ANKRD42: variants seen among roughly 807,000 people sequenced by gnomAD.
The protein encoded by ANKRD42 is ankyrin repeat domain-containing protein 42.
A neutral mutation model predicts 51.5 loss-of-function variants in ANKRD42; 43 were observed. That is an observed-to-expected ratio of 0.83 (90% CI 0.65 to 1.08). The LOEUF (loss-of-function observed/expected upper bound fraction) is 1.08, where lower values mean the gene tolerates loss of function less well. Ranked by LOEUF, ANKRD42 falls within the 50% of genes least tolerant of loss-of-function variation. ANKRD42 has a pLI of 0.00. For synonymous variants in ANKRD42, 203 were observed against 213.0 expected (o/e 0.95, Z 0.41); for missense variants, 608 against 629.3 (o/e 0.97, Z 0.36).
At chr11:83,210,222 C>G in intron 3 of ANKRD42, 78 bp from the exon 4 acceptor site, 2 of 1,426,318 alleles carry the variant, frequency 1.4e-6, no homozygotes, top group East Asian at 4.6e-5. Context: ...AAATTGCTTG[C>G]CTTTGTATAA....
In ANKRD42 at chr11:83,194,709, T is replaced by C. The variant is rs1220399758; in HGVS notation, c.39T>C (p.Ser13=). ...GVANSGPSTS[S]RETANPCSRK... ...CCAATTCAGGCCCCTCCACTTCCTC[T>C]AGGGAGACTGCAAACCCCTGTGAGT... Residue 13 remains serine, a synonymous_variant, in exon 1 of 11, where the codon TCT becomes TCC. Transcript: ENST00000533342. 6.2e-7 allele frequency: 1 copy of C among 1,605,630 alleles called. No homozygotes were observed. Among genetic ancestry groups the C allele is most frequent in the South Asian group, 1.1e-5 (1 of 90,424 alleles).
In ANKRD42 at chr11:83,236,395, T is replaced by C. The variant is rs757002019; in HGVS notation, c.914-9T>C. 18 of 1,584,038 alleles carry C rather than the reference T, an allele frequency of 1.1e-5. No individual in the cohort carries two copies. The African/African-American group carries it at 2.2e-4, about 19-fold the overall frequency. On this transcript the variant is annotated splice_polypyrimidine_tract_variant and intron_variant, in intron 7 of 10. Coordinates refer to ENST00000533342, the MANE Select transcript of ANKRD42 (RefSeq NM_001300975.2). ...TGTAATTCCTGTTCTTTTTCCTTTT[T>C]TTGAACAGCTGCTGGACAAGGCCAC... is the stretch of plus-strand genomic sequence containing the variant.
At chr11:83,230,664 G>A (rs377759295) in intron 7 of ANKRD42, among the ~76,000 whole-genome samples, 20 of 151,916 alleles carry the variant, frequency 1.3e-4, no homozygotes, top group African/African-American at 3.4e-4. Context: ...TCTGCTCACC[G>A]CAACCTATTT....
intron 10 of ANKRD42, among the ~76,000 whole-genome samples, chr11:83,247,616 C>A (rs1393918458): frequency 1.3e-5 from 2 of 152,214 alleles, no homozygotes; most frequent in Admixed American, 6.5e-5. Context: ...TTATACTACT[C>A]TTTCCTGCTT....
chr11:83,257,982 A>G (rs748069987), downstream of ANKRD42, among the ~76,000 whole-genome samples: 48 of 152,204 alleles, frequency 3.2e-4, 1 homozygote, highest in Non-Finnish European at 5.3e-4. Flanking sequence ...GTTCAGAAGG[A>G]TGTGAGCAAA....
At chr11:83,210,108 T>TA (rs1160982158) in intron 3 of ANKRD42, 192 bp from the exon 4 acceptor site, 38,044 of 407,014 alleles carry the variant, frequency 0.093, 736 homozygotes, top group African/African-American at 0.19. Flanking sequence ...TTTTGTAATC[T>TA]AAAAAAAAAA....
chr11:83,233,101 G>C, intron 7 of ANKRD42, among the ~76,000 whole-genome samples: 1 of 151,818 alleles, frequency 6.6e-6, no homozygotes. Flanking sequence ...TTGTAGAATG[G>C]ATTTGGAAGT....
intron 5 of ANKRD42, chr11:83,213,089 G>A (rs1354142441): frequency 6.2e-7 from 1 of 1,600,796 alleles, no homozygotes; most frequent in Non-Finnish European, 8.5e-7. Flanking sequence ...TGACTGATAT[G>A]TCAAAATTAA....
At chr11:83,232,274 A>G (rs1378766855) in intron 7 of ANKRD42, among the ~76,000 whole-genome samples, 1 of 151,890 alleles carries the variant, frequency 6.6e-6, no homozygotes, top group Non-Finnish European at 1.5e-5. Flanking sequence ...AGTTTCTTTC[A>G]TCAGTGTTTT....
intron 5 of ANKRD42, chr11:83,214,991 C>G (rs184470464): frequency 6.6e-5 from 10 of 152,314 alleles, no homozygotes; most frequent in Admixed American, 5.9e-4. Flanking sequence ...ATTTGTCTTT[C>G]TGTGCTTGAC....
intron 7 of ANKRD42, 37 bp from the exon 8 acceptor site, chr11:83,236,367 G>T (rs767098801): frequency 3.2e-6 from 5 of 1,539,224 alleles, no homozygotes; most frequent in Admixed American, 2.1e-5. Flanking sequence ...TAACTTTTTT[G>T]TGTGTAATTC....
At chr11:83,213,820 A>C (rs1187105326) in intron 5 of ANKRD42, 2 of 153,364 alleles carry the variant, frequency 1.3e-5, no homozygotes, top group African/African-American at 4.8e-5. Context: ...TTTTCATGCA[A>C]ATATCTTTCT....
intron 1 of ANKRD42, 52 bp from the exon 2 acceptor site, chr11:83,198,427 T>A: frequency 1.3e-6 from 2 of 1,528,562 alleles, no homozygotes; most frequent in Non-Finnish European, 8.8e-7. Context: ...TTAGTCTTTT[T>A]TTTTCTTTCA....
chr11:83,213,192 C>CA (rs1329685482), intron 5 of ANKRD42: 82 of 1,597,976 alleles, frequency 5.1e-5, no homozygotes, highest in Middle Eastern at 1.7e-4. Flanking sequence ...GTGGGAGCGA[C>CA]AAAAAAAACA....
rs1863608221 is a variant in ANKRD42 at position 83,248,386 on chromosome 11, A to G, written c.*182A>G. The G allele has an allele frequency of 2.3e-6, 3 of 1,288,010 alleles. No homozygotes were observed. The highest frequency in any genetic ancestry group is 1.5e-5 in the African/African-American group (1 of 65,560). The allele number at this position is 1,288,010 out of a possible 1,614,324, so 79.8% of individuals were successfully genotyped here. A position where few individuals can be genotyped will look rare whatever the true frequency, so the allele number is the denominator to read the frequency against. On this transcript the variant is annotated 3_prime_UTR_variant, in exon 11 of 11. Coordinates refer to ENST00000533342, the MANE Select transcript of ANKRD42 (RefSeq NM_001300975.2). ...GATACATACACACATCTGTCTATCT[A>G]TCTTCAAACAGCAGCCTAGTTCATA... is the stretch of plus-strand genomic sequence containing the variant.
At chr11:83,215,853 T>C (rs1335142091) in intron 5 of ANKRD42, among the ~76,000 whole-genome samples, 5 of 152,192 alleles carry the variant, frequency 3.3e-5, no homozygotes, top group Non-Finnish European at 7.3e-5. Context: ...TGGAGTGCAG[T>C]GGTGTGATCT....
intron 5 of ANKRD42, chr11:83,214,981 A>G (rs1862474900): frequency 6.6e-6 from 1 of 152,170 alleles, no homozygotes; most frequent in South Asian, 2.1e-4. Context: ...AACATATAAT[A>G]TTTGTCTTTC....
chr11:83,199,658 T>A (rs1156413473), intron 2 of ANKRD42, among the ~76,000 whole-genome samples: 3 of 152,254 alleles, frequency 2.0e-5, no homozygotes, highest in Non-Finnish European at 4.4e-5. Context: ...CAAGGTTATG[T>A]GTATGGGGGG....
chr11:83,212,621 A>G, intron 5 of ANKRD42: 1 of 1,486,766 alleles, frequency 6.7e-7, no homozygotes, highest in Non-Finnish European at 9.1e-7. Context: ...GAATAATATG[A>G]ACAGGCCTGA....
Sources: gnomAD v4.1 joint callset for allele counts (sites outside exome capture counted in the v4.1 genomes callset) on GRCh38, gnomAD v4.1.1 for gene constraint, MANE v1.5 for transcripts, NCBI Gene and HGNC (gene_info 2026-07-23, HGNC 2026-07-21) for gene names.